ZNF93: variants seen among roughly 807,000 people sequenced by gnomAD.
ZNF93 encodes the protein zinc finger protein 93, also known as zinc finger protein 505.
In ZNF93, 29 loss-of-function variants were observed where a neutral mutation model predicts 45.0. The observed-to-expected ratio is 0.64, with a 90% CI of 0.48 to 0.88. The LOEUF (loss-of-function observed/expected upper bound fraction) is 0.88. ZNF93 is among the 40% of genes least tolerant of loss of function. The pLI is 0.00. For missense variants in ZNF93, 578 were observed against 724.0 expected (o/e 0.80, Z 2.31); for synonymous variants, 223 against 244.6 (o/e 0.91, Z 0.82).
At chr19:19,929,914 G>A (rs2063367806) in intron 3 of ZNF93, among the ~76,000 whole-genome samples, 1 of 134,638 alleles carries the variant, frequency 7.4e-6, no homozygotes, top group Non-Finnish European at 1.5e-5. Flanking sequence ...CTCCAGCCTG[G>A]GCAACAGAGC....
chr19:19,934,567 A>G lies in ZNF93; in HGVS notation c.1612A>G (p.Lys538Glu), dbSNP rs550541790. The G allele has an allele frequency of 1.9e-6, 3 of 1,613,722 alleles. No homozygotes were observed. The South Asian group carries it at 3.3e-5, about 18-fold the overall frequency. Reference sequence around the variant, plus strand: ...AATTCATACTAGAGAGAAACCCTACAAATGTGAAGAATGTGGCAAAGCTTT... The same window carrying G: ...AATTCATACTAGAGAGAAACCCTACGAATGTGAAGAATGTGGCAAAGCTTT... ...KKIHTREKPY[K>E]CEECGKAFHL... The change falls in exon 4 of 4, where the codon AAA (lysine) becomes GAA (glutamate). Residue 538 changes from lysine to glutamate, a missense_variant. By Grantham distance (56) the Lys-to-Glu change is moderately conservative. Transcript: ENST00000343769.
At chr19:19,918,256 C>T (rs1423120861) in intron 3 of ZNF93, among the ~76,000 whole-genome samples, 1 of 152,112 alleles carries the variant, frequency 6.6e-6, no homozygotes, top group Non-Finnish European at 1.5e-5. Context: ...CAGCTTCATC[C>T]ATGTCCCTGC....
rs779759284 is a variant in ZNF93, at chr19:19,901,073, C to A, written c.-16C>A. The A allele has an allele frequency of 1.9e-6, 3 of 1,613,452 alleles. No homozygotes were observed. The highest frequency in any genetic ancestry group is 2.5e-6 in the Non-Finnish European group (3 of 1,179,622). On this transcript the variant is annotated 5_prime_UTR_variant, in exon 1 of 4. Transcript: ENST00000343769. ...AGATCCACAGCTAAGACACCAGGAC[C>A]CCTGGAAGCCTAGAAATGGTGAGAG...
At chr19:19,930,293 T>A (rs1370173339) in intron 3 of ZNF93, among the ~76,000 whole-genome samples, 2 of 152,178 alleles carry the variant, frequency 1.3e-5, no homozygotes, top group African/African-American at 4.8e-5. Context: ...TACTCTTATC[T>A]AAAAGGCAGA....
At chr19:19,924,590 T>C (rs1051576844) in intron 3 of ZNF93, among the ~76,000 whole-genome samples, 2 of 151,928 alleles carry the variant, frequency 1.3e-5, no homozygotes, top group Admixed American at 1.3e-4. Context: ...TTCTTTCTTT[T>C]TTTTTTTCTC....
In ZNF93 at chr19:19,933,892, T is replaced by C. The variant is rs1001693857; in HGVS notation, c.937T>C (p.Tyr313His). Reference protein sequence around the residue: ...HKKIHTGEKPYVCEECGKAFK... With the variant: ...HKKIHTGEKPHVCEECGKAFK... The stretch of plus-strand genomic sequence containing the variant: ...GAAAATTCATACTGGAGAGAAGCCC[T>C]ACGTTTGTGAAGAATGTGGCAAAGC... The change falls in exon 4 of 4, where the codon TAC (tyrosine) becomes CAC (histidine). Residue 313 changes from tyrosine (Y) to histidine (H), a missense_variant. This residue lies in a region of ZNF93 where 446 missense variants were observed against 547.6 expected (regional missense o/e 0.81). Coordinates refer to ENST00000343769, the MANE Select transcript of ZNF93 (RefSeq NM_031218.4). 6.2e-7 allele frequency: 1 copy of C among 1,612,930 alleles called. No individual in the cohort carries two copies. Among genetic ancestry groups the C allele is most frequent in the African/African-American group, 1.3e-5 (1 of 74,666 alleles).
chr19:19,925,260 C>T (rs572684855), intron 3 of ZNF93, among the ~76,000 whole-genome samples: 8 of 152,136 alleles, frequency 5.3e-5, no homozygotes, highest in Non-Finnish European at 8.8e-5. Flanking sequence ...ACTCCCTCCC[C>T]GGATCTCAAA....
chr19:19,902,260 G>GTT (rs113660443), intron 1 of ZNF93, among the ~76,000 whole-genome samples: 4 of 148,654 alleles, frequency 2.7e-5, no homozygotes, highest in East Asian at 2.0e-4. Context: ...AAAACAGAAG[G>GTT]TTTTTTTTTT....
At chr19:19,923,844 TC>T (rs2063348565) in intron 3 of ZNF93, among the ~76,000 whole-genome samples, 1 of 152,280 alleles carries the variant, frequency 6.6e-6, no homozygotes, top group South Asian at 2.1e-4. Flanking sequence ...GAAAGAGAAT[TC>T]CCTGATCCCT....
At chr19:19,928,923 C>G (rs1022189481) in intron 3 of ZNF93, among the ~76,000 whole-genome samples, 1 of 152,162 alleles carries the variant, frequency 6.6e-6, no homozygotes, top group Non-Finnish European at 1.5e-5. Flanking sequence ...TTGTGTGTGT[C>G]TGTGAAGCCT....
rs767980863 is a variant in ZNF93, at chr19:19,934,276, A to G, written c.1321A>G (p.Ser441Gly). 47 of 1,612,852 alleles carry G rather than the reference A, an allele frequency of 2.9e-5. No homozygotes were observed. Among genetic ancestry groups the G allele is most frequent in the Non-Finnish European group, 3.7e-5 (44 of 1,179,964 alleles). ...GKAFVASSTL[S>G]KHEIIHTGKK... is the part of the protein sequence containing the mutation. The stretch of plus-strand genomic sequence containing the variant: ...AGCCTTTGTTGCATCCTCAACCCTT[A>G]GTAAACATGAGATCATTCATACTGG... The change falls in exon 4 of 4, where the codon AGT (serine) becomes GGT (glycine). Residue 441 changes from serine to glycine, a missense_variant. Coordinates refer to ENST00000343769, the MANE Select transcript of ZNF93 (RefSeq NM_031218.4).
chr19:19,924,529 A>G (rs1438900011), intron 3 of ZNF93, among the ~76,000 whole-genome samples: 1 of 152,036 alleles, frequency 6.6e-6, no homozygotes, highest in East Asian at 1.9e-4. Flanking sequence ...TCAAGTTTTC[A>G]TAAACCGATT....
chr19:19,904,639 A>G (rs1056978329), intron 1 of ZNF93, among the ~76,000 whole-genome samples: 1 of 152,178 alleles, frequency 6.6e-6, no homozygotes, highest in Admixed American at 6.5e-5. Context: ...GATGTTCAGC[A>G]AACTACAGAT....
chr19:19,905,323 C>T (rs1267691013), intron 1 of ZNF93, among the ~76,000 whole-genome samples: 2 of 152,004 alleles, frequency 1.3e-5, no homozygotes, highest in Non-Finnish European at 2.9e-5. Flanking sequence ...AGGTACTAAA[C>T]ATAGCACCAA....
chr19:19,901,411 C>T (rs1904393188), intron 1 of ZNF93, among the ~76,000 whole-genome samples: 1 of 152,170 alleles, frequency 6.6e-6, no homozygotes, highest in African/African-American at 2.4e-5. Flanking sequence ...AGAATCCTGA[C>T]TCGGAGTGCG....
At chr19:19,905,742 A>G (rs1306271786) in intron 1 of ZNF93, among the ~76,000 whole-genome samples, 1 of 151,220 alleles carries the variant, frequency 6.6e-6, no homozygotes, top group Non-Finnish European at 1.5e-5. Flanking sequence ...ACACATATGC[A>G]TTACCACACC....
At chr19:19,929,937 C>CAAAAAAA (rs71172547) in intron 3 of ZNF93, among the ~76,000 whole-genome samples, 8 of 57,688 alleles carry the variant, frequency 1.4e-4, no homozygotes, top group African/African-American at 3.2e-4. Context: ...GACTCCGTCT[C>CAAAAAAA]AAAAAAAAAA....
intron 3 of ZNF93, among the ~76,000 whole-genome samples, chr19:19,925,265 C>G (rs972955856): frequency 1.3e-5 from 2 of 152,196 alleles, no homozygotes; most frequent in Non-Finnish European, 2.9e-5. Context: ...CTCCCCGGAT[C>G]TCAAATTTCT....
chr19:19,912,424 G>T (rs1307064111), intron 1 of ZNF93, among the ~76,000 whole-genome samples: 1 of 152,102 alleles, frequency 6.6e-6, no homozygotes, highest in Admixed American at 6.6e-5. Flanking sequence ...GAATCCTGCT[G>T]CCTTTCTAGA....
Sources: allele counts gnomAD v4.1 joint callset (sites outside exome capture counted in the v4.1 genomes callset), GRCh38; gene constraint gnomAD v4.1.1; regional missense constraint gnomAD v4.1.1; transcripts MANE v1.5; gene names NCBI Gene and HGNC (gene_info 2026-07-23, HGNC 2026-07-21).